The following SETBP1 variants were observed in gnomAD, a reference collection of about 807,000 sequenced individuals.
SETBP1 encodes SET-binding protein.
In SETBP1, 9 loss-of-function variants were observed where a neutral mutation model predicts 101.0. That is an observed-to-expected ratio of 0.09 (90% CI 0.05 to 0.16). The LOEUF (loss-of-function observed/expected upper bound fraction) is 0.16, where lower values mean the gene tolerates loss of function less well. SETBP1 is among the 10% of genes least tolerant of loss of function. The pLI, the probability that SETBP1 is intolerant of heterozygous loss-of-function variation, is 1.00. For missense variants in SETBP1, 1,858 were observed against 2,033.8 expected (o/e 0.91, Z 1.66); for synonymous variants, 818 against 788.5 (o/e 1.04, Z -0.63).
At chr18:45,045,085 C>G (rs993118335) in intron 5 of SETBP1, among the ~76,000 whole-genome samples, 2 of 151,806 alleles carry the variant, frequency 1.3e-5, no homozygotes, top group Non-Finnish European at 2.9e-5. Context: ...AGTCCGAGAC[C>G]AGCCTGGCCA....
chr18:44,708,739 AAAAGAAAAG>A (rs996549077), intron 2 of SETBP1, among the ~76,000 whole-genome samples: 54 of 11,786 alleles, frequency 4.6e-3, no homozygotes, highest in Middle Eastern at 0.062. Flanking sequence ...ATGTTCAAAA[AAAAGAAAAG>A]AAAAGAAAAG....
intron 3 of SETBP1, among the ~76,000 whole-genome samples, chr18:44,926,237 T>G (rs1191367971): frequency 6.6e-6 from 1 of 151,986 alleles, no homozygotes; most frequent in East Asian, 1.9e-4. Context: ...CTGGCCGAAG[T>G]GTCGATATTA....
chr18:44,924,009 C>T (rs970151031), intron 3 of SETBP1, among the ~76,000 whole-genome samples: 5 of 152,022 alleles, frequency 3.3e-5, no homozygotes, highest in Non-Finnish European at 4.4e-5. Flanking sequence ...CACTCCAGTC[C>T]GTTTTTTTTT....
chr18:44,750,369 A>G (rs556336654), intron 2 of SETBP1, among the ~76,000 whole-genome samples: 2 of 152,220 alleles, frequency 1.3e-5, no homozygotes, highest in African/African-American at 4.8e-5. Flanking sequence ...TCATTTTCTT[A>G]TAAAAACACT....
intron 2 of SETBP1, among the ~76,000 whole-genome samples, chr18:44,812,527 G>A (rs2071885389): frequency 1.3e-5 from 2 of 152,142 alleles, no homozygotes; most frequent in African/African-American, 4.8e-5. Context: ...TTCTCCTCAT[G>A]ATTGCATGTG....
rs532201537 is a variant in SETBP1, at chr18:44,736,477, T to C, written c.486+34645T>C. On this transcript the variant is annotated intron_variant, in intron 2 of 5. Coordinates refer to ENST00000649279, the MANE Select transcript of SETBP1 (RefSeq NM_015559.3). Reference sequence around the variant, plus strand: ...GATCAGTTTTATAGACATAAGGATGTCATTACCCTAAGTTGGGAAGATACT... The same window carrying C: ...GATCAGTTTTATAGACATAAGGATGCCATTACCCTAAGTTGGGAAGATACT... Among the ~76,000 whole-genome samples the C allele has an allele frequency of 1.3e-4, 20 of 152,320 alleles. No homozygotes were observed. In the South Asian group the frequency reaches 3.3e-3, roughly 25 times the overall value.
At chr18:44,836,693 A>G (rs780722322) in intron 2 of SETBP1, among the ~76,000 whole-genome samples, 3 of 152,170 alleles carry the variant, frequency 2.0e-5, no homozygotes, top group Non-Finnish European at 4.4e-5. Flanking sequence ...ATAATTGTCT[A>G]TTTGGCAGCT....
intron 2 of SETBP1, among the ~76,000 whole-genome samples, chr18:44,709,246 G>C (rs968845350): frequency 6.6e-6 from 1 of 152,142 alleles, no homozygotes; most frequent in Non-Finnish European, 1.5e-5. Flanking sequence ...CATTGAAAAT[G>C]CATCTGGCAG....
At chr18:45,043,249 A>G (rs1188728793) in intron 5 of SETBP1, among the ~76,000 whole-genome samples, 2 of 152,156 alleles carry the variant, frequency 1.3e-5, no homozygotes, top group African/African-American at 4.8e-5. Flanking sequence ...TAGATTCCAA[A>G]TGGTGGTAAG....
intron 3 of SETBP1, among the ~76,000 whole-genome samples, chr18:44,894,508 C>T (rs1262713169): frequency 6.6e-6 from 1 of 151,852 alleles, no homozygotes; most frequent in African/African-American, 2.4e-5. Context: ...CCCCTTGGTG[C>T]TCAGATAAAA....
At chr18:44,861,690 C>T (rs1173084008) in intron 2 of SETBP1, among the ~76,000 whole-genome samples, 3 of 152,142 alleles carry the variant, frequency 2.0e-5, no homozygotes, top group Admixed American at 6.5e-5. Flanking sequence ...ACCCCAGAGA[C>T]TACTTTAGTC....
At chr18:44,762,150 T>TC (rs2070665786) in intron 2 of SETBP1, among the ~76,000 whole-genome samples, 1 of 152,066 alleles carries the variant, frequency 6.6e-6, no homozygotes, top group East Asian at 1.9e-4. Context: ...TTTTTTTTTT[T>TC]CTTTTTCCTG....
chr18:44,792,860 GA>G (rs369042925), intron 2 of SETBP1, among the ~76,000 whole-genome samples: 81 of 144,044 alleles, frequency 5.6e-4, no homozygotes, highest in Middle Eastern at 3.6e-3. Flanking sequence ...TAATCTAGGA[GA>G]AAAAAAAAAA....
intron 2 of SETBP1, among the ~76,000 whole-genome samples, chr18:44,749,201 A>G (rs1213159734): frequency 6.6e-6 from 1 of 152,236 alleles, no homozygotes; most frequent in African/African-American, 2.4e-5. Flanking sequence ...CTTATAAGAT[A>G]TCATCCTTTA....
chr18:44,954,441 T>C (rs1245711343), intron 4 of SETBP1, among the ~76,000 whole-genome samples: 1 of 151,812 alleles, frequency 6.6e-6, no homozygotes, highest in Non-Finnish European at 1.5e-5. Context: ...ATGTTTAAGG[T>C]TTGGTGTAGC....
chr18:44,943,398 C>G (rs148935435), intron 3 of SETBP1, among the ~76,000 whole-genome samples: 144 of 152,284 alleles, frequency 9.5e-4, no homozygotes, highest in Admixed American at 4.4e-3. Context: ...TTGTGAAACA[C>G]ATTTGAAAGC....
chr18:44,767,253 G>A lies in SETBP1; in HGVS notation c.486+65421G>A, dbSNP rs913546513. The stretch of plus-strand genomic sequence containing the variant: ...TTGTCCTCCTTCCCAAGGTTCTACA[G>A]TCCTTTATTCCTTTCCCTTCTTACT... On this transcript the variant is annotated intron_variant, in intron 2 of 5. Transcript: ENST00000649279. Among the ~76,000 whole-genome samples the A allele has an allele frequency of 6.6e-5, 10 of 152,184 alleles. No individual in the cohort carries two copies. In the East Asian group the frequency reaches 1.9e-3, roughly 29 times the overall value.
At chr18:44,795,336 T>C (rs1411819637) in intron 2 of SETBP1, among the ~76,000 whole-genome samples, 1 of 152,232 alleles carries the variant, frequency 6.6e-6, no homozygotes, top group Non-Finnish European at 1.5e-5. Context: ...GACCAGTTTA[T>C]AATTCACTCA....
chr18:44,808,071 C>T (rs1169851459), intron 2 of SETBP1, among the ~76,000 whole-genome samples: 1 of 152,198 alleles, frequency 6.6e-6, no homozygotes, highest in Non-Finnish European at 1.5e-5. Flanking sequence ...TATCAAAACC[C>T]CACCAGCACT....
Sources: gnomAD v4.1 joint callset for allele counts (sites outside exome capture counted in the v4.1 genomes callset) on GRCh38, gnomAD v4.1.1 for gene constraint, MANE v1.5 for transcripts, NCBI Gene and HGNC (gene_info 2026-07-23, HGNC 2026-07-21) for gene names.